The following PIWIL2 variants were observed in gnomAD, a reference collection of about 807,000 sequenced individuals.
PIWIL2 encodes the protein piwi-like protein 2.
Under a neutral mutation model 116.5 loss-of-function variants are expected in PIWIL2, and 81 were observed. The observed-to-expected ratio is 0.70, with a 90% CI of 0.58 to 0.84. PIWIL2 has a LOEUF of 0.84. Ranked by LOEUF, PIWIL2 falls within the 40% of genes least tolerant of loss-of-function variation. The pLI, the probability that PIWIL2 is intolerant of heterozygous loss-of-function variation, is 0.00. For synonymous variants in PIWIL2, 489 were observed against 429.5 expected (o/e 1.14, Z -1.71); for missense variants, 1,272 against 1,212.3 (o/e 1.05, Z -0.73).
In PIWIL2 at chr8:22,327,268, C is replaced by G. The variant is rs532397066; in HGVS notation, c.2403+8993C>G. On this transcript the variant is annotated intron_variant, in intron 20 of 22. Transcript: ENST00000356766. ...GCCAGGCTGGTCTCGAACTCCTGAC[C>G]TCAGGTGATCCGCCCAGCTCAGCCT... Among the ~76,000 whole-genome samples, 3 of 151,536 alleles carry G rather than the reference C, an allele frequency of 2.0e-5. No individual in the cohort carries two copies. The South Asian group carries it at 6.2e-4, about 31-fold the overall frequency.
chr8:22,324,180 T>G (rs1434775724), intron 20 of PIWIL2, among the ~76,000 whole-genome samples: 1 of 152,198 alleles, frequency 6.6e-6, no homozygotes, highest in Non-Finnish European at 1.5e-5. Flanking sequence ...GAGAATCACT[T>G]GAACCTGGGA....
chr8:22,352,498 G>T (rs376286336), intron 20 of PIWIL2, among the ~76,000 whole-genome samples: 1 of 152,284 alleles, frequency 6.6e-6, no homozygotes, highest in East Asian at 1.9e-4. Context: ...CAGCAACTTG[G>T]GATATTTCCA....
At chr8:22,338,973 A>C (rs1051213022) in intron 20 of PIWIL2, among the ~76,000 whole-genome samples, 1 of 152,246 alleles carries the variant, frequency 6.6e-6, no homozygotes, top group African/African-American at 2.4e-5. Flanking sequence ...GGTCAGTAGC[A>C]TTGAGATAGA....
chr8:22,295,945 T>C (rs1830889529), intron 10 of PIWIL2, among the ~76,000 whole-genome samples: 1 of 151,800 alleles, frequency 6.6e-6, no homozygotes, highest in South Asian at 2.1e-4. Context: ...TCTGTTAGAA[T>C]CTGATCGGCT....
intron 20 of PIWIL2, among the ~76,000 whole-genome samples, chr8:22,335,141 T>C (rs2132085168): frequency 6.6e-6 from 1 of 151,028 alleles, no homozygotes; most frequent in Middle Eastern, 3.5e-3. Flanking sequence ...AAGAGAATTA[T>C]AACAGTAACT....
intron 1 of PIWIL2, among the ~76,000 whole-genome samples, chr8:22,278,092 C>T (rs1357464021): frequency 1.3e-5 from 2 of 152,030 alleles, no homozygotes; most frequent in Non-Finnish European, 2.9e-5. Flanking sequence ...CACTTGAACC[C>T]AGGAGGCAGA....
At position 22,314,062 on chromosome 8, in the gene PIWIL2, T is replaced by C. The variant is rs539719092; in HGVS notation, c.1990-266T>C. 2.6e-5 allele frequency among the ~76,000 whole-genome samples: 4 copies of C among 152,346 alleles called. No individual in the cohort carries two copies. The South Asian group carries it at 8.3e-4, about 32-fold the overall frequency. On this transcript the variant is annotated intron_variant, in intron 16 of 22. Coordinates refer to ENST00000356766, the MANE Select transcript of PIWIL2 (RefSeq NM_018068.5). ...TTTTCCAGCCATCTGAGTCTTCTAA[T>C]AGATAAATCTTTTGGTAATCAGGGC...
chr8:22,300,102 A>AT (rs201369376), intron 10 of PIWIL2, among the ~76,000 whole-genome samples: 1,668 of 151,510 alleles, frequency 0.011, 44 homozygotes, highest in African/African-American at 0.037. Context: ...ATATAAAAAC[A>AT]TTTTTTTTAA....
intron 1 of PIWIL2, among the ~76,000 whole-genome samples, chr8:22,278,308 C>T (rs1369918192): frequency 6.6e-6 from 1 of 152,086 alleles, no homozygotes; most frequent in Admixed American, 6.5e-5. Flanking sequence ...TCTCTTGAGC[C>T]CAGGTGTTTG....
intron 14 of PIWIL2, among the ~76,000 whole-genome samples, chr8:22,309,706 T>TC (rs777891122): frequency 6.6e-6 from 1 of 152,230 alleles, no homozygotes; most frequent in Non-Finnish European, 1.5e-5. Flanking sequence ...TGTTTTCAAA[T>TC]CCCTTTCTTG....
intron 1 of PIWIL2, among the ~76,000 whole-genome samples, chr8:22,278,863 CTCCTTATGAGAATCTAAT>C (rs985717012): frequency 3.9e-5 from 6 of 152,178 alleles, no homozygotes; most frequent in African/African-American, 1.4e-4. Flanking sequence ...AGGTTGCATC[CTCCTTATGAGAATCTAAT>C]GCCTGATGAT....
chr8:22,355,227 C>T (rs1586606123), intron 22 of PIWIL2, 122 bp from the exon 23 acceptor site: 1 of 844,550 alleles, frequency 1.2e-6, no homozygotes, highest in East Asian at 2.5e-5. Context: ...ATGTATTCCT[C>T]TGCTCCCCAG....
chr8:22,292,967 C>G (rs982704049), intron 10 of PIWIL2, among the ~76,000 whole-genome samples: 1 of 152,182 alleles, frequency 6.6e-6, no homozygotes, highest in Non-Finnish European at 1.5e-5. Context: ...GAGCCCAGTC[C>G]AAGCCAATAG....
chr8:22,317,539 G>C (rs1831489709), intron 19 of PIWIL2, among the ~76,000 whole-genome samples: 1 of 151,818 alleles, frequency 6.6e-6, no homozygotes, highest in African/African-American at 2.4e-5. Flanking sequence ...AATTTATTCT[G>C]TGTATCATTA....
chr8:22,307,472 C>CTTTTTT (rs1452022354), intron 13 of PIWIL2, among the ~76,000 whole-genome samples: 1 of 73,016 alleles, frequency 1.4e-5, no homozygotes, highest in African/African-American at 4.8e-5. Flanking sequence ...TTTTATTATT[C>CTTTTTT]ATTTTTTTTT....
At position 22,317,668 on chromosome 8, in the gene PIWIL2, TA is replaced by T. The variant is rs546511458; in HGVS notation, c.2298-501del. Among the ~76,000 whole-genome samples, 787 of 150,312 alleles carry T rather than the reference TA, an allele frequency of 5.2e-3. 2 individuals carry two copies. Among genetic ancestry groups the T allele is most frequent in the Non-Finnish European group, 9.1e-3 (615 of 67,554 alleles). On this transcript the variant is annotated intron_variant, in intron 19 of 22. Coordinates refer to ENST00000356766, the MANE Select transcript of PIWIL2 (RefSeq NM_018068.5). The stretch of plus-strand genomic sequence containing the variant: ...TAAATTTTTTATTTATTTATTTATT[TA>T]TTTTTTTTGAGACAGAGTCTCGCTC...
intron 20 of PIWIL2, among the ~76,000 whole-genome samples, chr8:22,349,417 G>GTATATATATA (rs1431825878): frequency 2.2e-3 from 301 of 134,544 alleles, no homozygotes; most frequent in Non-Finnish European, 3.0e-3. Context: ...ATATGTGTGT[G>GTATATATATA]TGTATATATA....
At chr8:22,328,020 T>C (rs542192773) in intron 20 of PIWIL2, among the ~76,000 whole-genome samples, 2 of 152,302 alleles carry the variant, frequency 1.3e-5, no homozygotes, top group South Asian at 4.1e-4. Flanking sequence ...AAGAATTCAT[T>C]GCCAAATCCA....
At chr8:22,286,703 C>T (rs947333434) in intron 6 of PIWIL2, among the ~76,000 whole-genome samples, 1 of 152,130 alleles carries the variant, frequency 6.6e-6, no homozygotes, top group African/African-American at 2.4e-5. Context: ...CTCAGTGCTA[C>T]CTCCATCTCC....
Sources: gnomAD v4.1 joint callset for allele counts (sites outside exome capture counted in the v4.1 genomes callset) on GRCh38, gnomAD v4.1.1 for gene constraint, MANE v1.5 for transcripts, NCBI Gene and HGNC (gene_info 2026-07-23, HGNC 2026-07-21) for gene names.